The following MTR variants were observed in gnomAD, a reference collection of about 807,000 sequenced individuals.
MTR encodes methionine synthase.
MTR carries 84 observed loss-of-function variants against 154.8 expected under a neutral mutation model. The observed-to-expected ratio is 0.54, with a 90% confidence interval of 0.45 to 0.65. The LOEUF (loss-of-function observed/expected upper bound fraction) is 0.65. Ranked by LOEUF, MTR falls within the 30% of genes least tolerant of loss-of-function variation. The pLI is 0.00. For synonymous variants in MTR, 554 were observed against 553.9 expected (o/e 1.00, Z 0.00); for missense variants, 1,275 against 1,570.2 (o/e 0.81, Z 3.18).
intron 1 of MTR, among the ~76,000 whole-genome samples, chr1:236,803,095 G>C (rs187157351): frequency 3.9e-5 from 6 of 152,262 alleles, no homozygotes; most frequent in Non-Finnish European, 7.4e-5. Flanking sequence ...GGGAGTATCT[G>C]CACAGAATTA....
intron 1 of MTR, among the ~76,000 whole-genome samples, chr1:236,803,095 G>A (rs187157351): frequency 3.9e-5 from 6 of 152,262 alleles, no homozygotes; most frequent in Middle Eastern, 6.8e-3. Flanking sequence ...GGGAGTATCT[G>A]CACAGAATTA....
At chr1:236,799,641 G>T (rs1251757587) in intron 1 of MTR, among the ~76,000 whole-genome samples, 1 of 151,704 alleles carries the variant, frequency 6.6e-6, no homozygotes, top group African/African-American at 2.4e-5. Context: ...ATTACATTCT[G>T]GAATGTACAA....
intron 18 of MTR, among the ~76,000 whole-genome samples, chr1:236,859,231 G>A (rs748182651): frequency 6.6e-6 from 1 of 152,238 alleles, no homozygotes; most frequent in Non-Finnish European, 1.5e-5. Flanking sequence ...AAGAGGGCAA[G>A]AGCAAGAGAG....
intron 22 of MTR, among the ~76,000 whole-genome samples, chr1:236,866,521 G>A (rs183523842): frequency 2.6e-5 from 4 of 152,188 alleles, no homozygotes; most frequent in African/African-American, 9.6e-5. Context: ...AATCCTCTAA[G>A]TGTTTAAGTG....
chr1:236,880,831 G>T lies in MTR; in HGVS notation c.2671G>T (p.Val891Leu). The stretch of plus-strand genomic sequence containing the variant: ...TGTCCTGGACGCGTCCAAGAGTGTG[G>T]TGGTGGTAAGTGGGTGACCTTACAT... ...IHVLDASKSV[V>L]VCSQLLDENL... The change falls in exon 25 of 33, where the codon GTG becomes TTG. Residue 891 changes from valine (V) to leucine (L), a missense_variant. Transcript: ENST00000366577. 1 of 1,613,824 alleles carries T rather than the reference G, an allele frequency of 6.2e-7. No individual in the cohort carries two copies. The highest frequency in any genetic ancestry group is 1.3e-5 in the African/African-American group (1 of 75,032).
At chr1:236,862,659 G>C (rs1404637980) in intron 21 of MTR, among the ~76,000 whole-genome samples, 1 of 152,152 alleles carries the variant, frequency 6.6e-6, no homozygotes, top group Admixed American at 6.5e-5. Flanking sequence ...GCCAAGTACT[G>C]TGCCAGGCAC....
intron 27 of MTR, 25 bp from the exon 28 acceptor site, chr1:236,889,156 T>C: frequency 6.2e-7 from 1 of 1,613,952 alleles, no homozygotes; most frequent in Non-Finnish European, 8.5e-7. Context: ...GCGTCAGCAT[T>C]GACAACCATA....
Position 236,816,448 on chromosome 1 carries a change from G to T in MTR, c.670-1G>T. On this transcript the variant is annotated splice_acceptor_variant, in intron 7 of 32. Coordinates refer to ENST00000366577, the MANE Select transcript of MTR (RefSeq NM_000254.3). LOFTEE classifies it high-confidence loss of function. ...TGACTTTGTTTACTTTGTCAATTCAGATTTCAGGGACGATCGTTGATAAAA... is the reference window on the plus strand; with the variant it reads ...TGACTTTGTTTACTTTGTCAATTCATATTTCAGGGACGATCGTTGATAAAA... 1 of 1,613,902 alleles carries T rather than the reference G, an allele frequency of 6.2e-7. No individual in the cohort carries two copies. Among genetic ancestry groups the T allele is most frequent in the Non-Finnish European group, 8.5e-7 (1 of 1,179,792 alleles).
At chr1:236,894,332 C>T in intron 29 of MTR, 25 bp from the exon 30 acceptor site, 3 of 1,612,950 alleles carry the variant, frequency 1.9e-6, no homozygotes, top group Non-Finnish European at 2.5e-6. Flanking sequence ...CGCCCCCGCA[C>T]ACTCCTACAC....
intron 19 of MTR, 28 bp from the exon 20 acceptor site, chr1:236,861,097 C>CTTTTTTTTTTTTTTTTGTT: frequency 8.6e-7 from 1 of 1,156,660 alleles, no homozygotes; most frequent in South Asian, 1.7e-5. Flanking sequence ...CTTTCTTTTT[C>CTTTTTTTTTTTTTTTTGTT]TTTTTTTTTT....
At chr1:236,841,786 A>G (rs1350110567) in intron 15 of MTR, among the ~76,000 whole-genome samples, 1 of 152,152 alleles carries the variant, frequency 6.6e-6, no homozygotes, top group Non-Finnish European at 1.5e-5. Context: ...TGGCAGTTGC[A>G]TGGGCATAGG....
At chr1:236,813,874 A>C (rs1661446263) in intron 6 of MTR, among the ~76,000 whole-genome samples, 1 of 152,102 alleles carries the variant, frequency 6.6e-6, no homozygotes, top group Non-Finnish European at 1.5e-5. Context: ...TTAATGGTGT[A>C]GGAGAATTTT....
At chr1:236,805,864 A>C (rs1330205607) in intron 2 of MTR, among the ~76,000 whole-genome samples, 1 of 152,194 alleles carries the variant, frequency 6.6e-6, no homozygotes, top group African/African-American at 2.4e-5. Context: ...TTGAATGAAG[A>C]GACTGAGACT....
chr1:236,856,542 AT>A (rs1664217106), intron 18 of MTR, among the ~76,000 whole-genome samples: 1 of 114,042 alleles, frequency 8.8e-6, no homozygotes, highest in African/African-American at 3.3e-5. Context: ...TATTATTATT[AT>A]TTTTATACTT....
rs764803333 is a variant in MTR at position 236,894,433 on chromosome 1, G to A, written c.3281G>A (p.Arg1094His). Residue 1094 changes from arginine to histidine, a missense_variant, in exon 30 of 33, where the codon CGT (arginine) becomes CAT (histidine). Coordinates refer to ENST00000366577, the MANE Select transcript of MTR (RefSeq NM_000254.3). ...ATCGCTCCCTTGCATTCTGGCATCC[G>A]TGACTACCTGGGCCTGTTTGCCGTT... is the stretch of plus-strand genomic sequence containing the variant. The part of the protein sequence containing the change: ...DFIAPLHSGI[R>H]DYLGLFAVAC... The A allele has an allele frequency of 2.4e-5, 39 of 1,614,094 alleles. No individual in the cohort carries two copies. Among genetic ancestry groups the A allele is most frequent in the Non-Finnish European group, 3.1e-5 (37 of 1,180,056 alleles).
At chr1:236,818,414 G>A (rs888006068) in intron 8 of MTR, among the ~76,000 whole-genome samples, 10 of 152,314 alleles carry the variant, frequency 6.6e-5, no homozygotes, top group South Asian at 2.1e-4. Flanking sequence ...CTTAGAGGAC[G>A]TTCTTCCTGC....
intron 1 of MTR, among the ~76,000 whole-genome samples, chr1:236,799,362 A>G (rs1231381683): frequency 2.0e-5 from 3 of 151,430 alleles, no homozygotes; most frequent in Non-Finnish European, 4.4e-5. Context: ...GGACTCAGTG[A>G]TCCACCTACT....
chr1:236,808,621 C>CT, intron 3 of MTR, 83 bp from the exon 4 acceptor site: 1 of 1,340,206 alleles, frequency 7.5e-7, no homozygotes, highest in Non-Finnish European at 1.1e-6. Flanking sequence ...CTGAAGAAAA[C>CT]TGAGTATTAG....
intron 1 of MTR, among the ~76,000 whole-genome samples, chr1:236,799,103 A>G (rs2102997149): frequency 6.6e-6 from 1 of 152,228 alleles, no homozygotes; most frequent in Non-Finnish European, 1.5e-5. Context: ...ATAAGCAAGT[A>G]GTTGAGGAAA....
Sources: allele counts gnomAD v4.1 joint callset (sites outside exome capture counted in the v4.1 genomes callset), GRCh38; gene constraint gnomAD v4.1.1; transcripts MANE v1.5; gene names NCBI Gene and HGNC (gene_info 2026-07-23, HGNC 2026-07-21).